Variants in CPED1 observed in about 807,000 individuals in gnomAD.
CPED1 encodes the protein cadherin-like and PC-esterase domain-containing protein 1.
CPED1 carries 114 observed loss-of-function variants against 128.2 expected under a neutral mutation model. The ratio of observed to expected loss-of-function variants is 0.89; its 90% confidence interval spans 0.76 to 1.04. The LOEUF is 1.04. Among genes scored for constraint, CPED1 ranks in the 50% least tolerant of loss-of-function variants. CPED1 has a pLI of 0.00. For missense variants in CPED1, 1,211 were observed against 1,207.1 expected (o/e 1.00, Z -0.05); for synonymous variants, 462 against 426.7 (o/e 1.08, Z -1.02).
Position 121,127,171 on chromosome 7 carries a change from A to G in CPED1, c.1216A>G (p.Thr406Ala). The change falls in exon 10 of 23, where the codon ACT becomes GCT. Residue 406 changes from threonine (T) to alanine (A), a missense_variant. Coordinates refer to ENST00000310396, the MANE Select transcript of CPED1 (RefSeq NM_024913.5). ...QNTEEFLLND[T>A]FNFLFPNESS... ...TACAGAAGAATTCCTTTTAAATGACACTTTCAATTTTCTCTTCCCTAATGA... is the reference window on the plus strand; with the variant it reads ...TACAGAAGAATTCCTTTTAAATGACGCTTTCAATTTTCTCTTCCCTAATGA... The G allele has an allele frequency of 6.3e-7, 1 of 1,593,208 alleles. No individual in the cohort carries two copies. Among genetic ancestry groups the G allele is most frequent in the Non-Finnish European group, 8.6e-7 (1 of 1,163,008 alleles).
At chr7:121,023,497 C>T (rs1282361079) in intron 3 of CPED1, among the ~76,000 whole-genome samples, 3 of 152,148 alleles carry the variant, frequency 2.0e-5, no homozygotes, top group African/African-American at 7.2e-5. Context: ...TTTTACAACT[C>T]TACAGTTCTG....
At chr7:121,192,606 G>A (rs1159531697) in intron 16 of CPED1, among the ~76,000 whole-genome samples, 1 of 149,776 alleles carries the variant, frequency 6.7e-6, no homozygotes, top group African/African-American at 2.5e-5. Flanking sequence ...CAAAATGTTT[G>A]GCACATTATG....
rs1366582791 is a variant in CPED1, at chr7:121,130,277, G to A, written c.1560G>A (p.Gln520=). The change falls in exon 12 of 23, where the codon CAG becomes CAA. Residue 520 remains glutamine (Q), a synonymous_variant. Transcript: ENST00000310396. ...EQFQFMNKKT[Q]PHPLEWNSFT... ...TTCAGTTCATGAATAAAAAGACACA[G>A]CCACATCCACTGGAATGGTAAGATA... 3 of 1,601,898 alleles carry A rather than the reference G, an allele frequency of 1.9e-6. No homozygotes were observed. Among genetic ancestry groups the A allele is most frequent in the East Asian group, 2.3e-5 (1 of 44,200 alleles).
chr7:121,047,077 T>C, intron 4 of CPED1, 84 bp downstream of exon 4: 2 of 818,208 alleles, frequency 2.4e-6, no homozygotes, highest in East Asian at 2.7e-5. Flanking sequence ...TGTTTAAGAG[T>C]CTTAAAGAAT....
chr7:121,098,753 TAA>T (rs1491300205), intron 6 of CPED1, among the ~76,000 whole-genome samples: 1,519 of 28,756 alleles, frequency 0.053, 71 homozygotes, highest in Middle Eastern at 0.13. Context: ...TAAAAATATA[TAA>T]AAATATATAT....
intron 8 of CPED1, 100 bp downstream of exon 8, chr7:121,124,573 G>T: frequency 1.1e-6 from 1 of 901,722 alleles, no homozygotes; most frequent in Non-Finnish European, 1.5e-6. Context: ...TCATAAGTAG[G>T]TGGTACTTGG....
intron 2 of CPED1, among the ~76,000 whole-genome samples, chr7:120,992,342 C>T (rs1289028726): frequency 6.6e-6 from 1 of 152,050 alleles, no homozygotes; most frequent in Non-Finnish European, 1.5e-5. Context: ...GTTACTTAAA[C>T]CAGCTGATTT....
intron 22 of CPED1, among the ~76,000 whole-genome samples, chr7:121,286,576 A>C (rs1404553040): frequency 6.6e-6 from 1 of 152,178 alleles, no homozygotes; most frequent in African/African-American, 2.4e-5. Flanking sequence ...TTATAAGATG[A>C]ATGGCTGACC....
chr7:121,139,592 A>G (rs999685855), intron 14 of CPED1, among the ~76,000 whole-genome samples: 1 of 152,056 alleles, frequency 6.6e-6, no homozygotes, highest in Non-Finnish European at 1.5e-5. Context: ...TGGGCAATGC[A>G]GCTGGAGAGC....
intron 18 of CPED1, among the ~76,000 whole-genome samples, chr7:121,256,130 A>AAAAAAC (rs1208649792): frequency 2.8e-5 from 1 of 35,194 alleles, no homozygotes; most frequent in African/African-American, 4.4e-5. Context: ...AAAACAAAAC[A>AAAAAAC]AAAAAAAAAA....
chr7:121,204,297 T>C, intron 16 of CPED1, among the ~76,000 whole-genome samples: 1 of 151,864 alleles, frequency 6.6e-6, no homozygotes, highest in Middle Eastern at 3.2e-3. Context: ...TTTTACAAAG[T>C]AGAAGCCCCT....
chr7:121,117,549 C>T (rs1384387208), intron 7 of CPED1, among the ~76,000 whole-genome samples: 1 of 151,820 alleles, frequency 6.6e-6, no homozygotes, highest in Non-Finnish European at 1.5e-5. Flanking sequence ...TTCTAAATCA[C>T]CTTCCTTTTC....
chr7:121,007,076 C>T (rs1359639159), intron 2 of CPED1, among the ~76,000 whole-genome samples: 2 of 152,032 alleles, frequency 1.3e-5, no homozygotes, highest in Non-Finnish European at 2.9e-5. Flanking sequence ...TCCTTGTGTT[C>T]TTAGTTTTGC....
At chr7:121,015,942 TA>T (rs1792291358) in intron 3 of CPED1, 94 bp downstream of exon 3, 2 of 912,722 alleles carry the variant, frequency 2.2e-6, no homozygotes, top group African/African-American at 3.5e-5. Flanking sequence ...AAAAAATTTA[TA>T]AAAACAAATA....
chr7:121,078,728 G>A (rs767634848), intron 5 of CPED1, among the ~76,000 whole-genome samples: 1 of 152,132 alleles, frequency 6.6e-6, no homozygotes, highest in Non-Finnish European at 1.5e-5. Flanking sequence ...AGACCAACAT[G>A]TGTCAACAGC....
chr7:121,037,936 C>T (rs1792942439), intron 3 of CPED1, among the ~76,000 whole-genome samples: 1 of 152,060 alleles, frequency 6.6e-6, no homozygotes, highest in African/African-American at 2.4e-5. Context: ...TGATTCTCAG[C>T]TTGGTCACTG....
At chr7:121,082,645 G>T (rs1200328045) in intron 5 of CPED1, among the ~76,000 whole-genome samples, 1 of 152,070 alleles carries the variant, frequency 6.6e-6, no homozygotes, top group African/African-American at 2.4e-5. Flanking sequence ...CCATCTATAG[G>T]ATAACCATCT....
intron 22 of CPED1, among the ~76,000 whole-genome samples, chr7:121,288,225 ATAGT>A (rs1792624725): frequency 6.6e-6 from 1 of 152,206 alleles, no homozygotes; most frequent in African/African-American, 2.4e-5. Context: ...CTAATTCTTT[ATAGT>A]ATCAGGATGA....
chr7:120,993,803 CAGGTGCTGGACAAA>C (rs1796347692), intron 2 of CPED1: 2 of 167,316 alleles, frequency 1.2e-5, no homozygotes, highest in African/African-American at 4.8e-5. Flanking sequence ...CGTCTCAGTA[CAGGTGCTGGACAAA>C]AGGAGCAGAA....
Sources: gnomAD v4.1 joint callset for allele counts (sites outside exome capture counted in the v4.1 genomes callset) on GRCh38, gnomAD v4.1.1 for gene constraint, MANE v1.5 for transcripts, NCBI Gene and HGNC (gene_info 2026-07-23, HGNC 2026-07-21) for gene names.